PADI2: variants seen among roughly 807,000 people sequenced by gnomAD.
The protein encoded by PADI2 is protein-arginine deiminase type-2.
Under a neutral mutation model 81.1 loss-of-function variants are expected in PADI2, and 70 were observed. The observed-to-expected ratio is 0.86, with a 90% CI of 0.71 to 1.05. The LOEUF is 1.05. PADI2 is among the 50% of genes least tolerant of loss of function. PADI2 has a pLI of 0.00. For synonymous variants in PADI2, 338 were observed against 358.0 expected, an observed-to-expected ratio of 0.94 and a Z score of 0.63; for missense variants, 853 against 889.9, an observed-to-expected ratio of 0.96 and a Z score of 0.53.
intron 1 of PADI2, among the ~76,000 whole-genome samples, chr1:17,111,470 G>A (rs549273760): frequency 3.3e-5 from 5 of 152,144 alleles, no homozygotes; most frequent in Admixed American, 3.3e-4. Flanking sequence ...GGTGCCATGA[G>A]GCCCCAGTCT....
intron 3 of PADI2, 64 bp downstream of exon 3, chr1:17,102,923 A>G: frequency 8.0e-7 from 1 of 1,249,968 alleles, no homozygotes; most frequent in Non-Finnish European, 1.2e-6. Context: ...AGTGCCCCAG[A>G]GAAGGACAAC....
chr1:17,080,091 C>G (rs369341503), intron 10 of PADI2, among the ~76,000 whole-genome samples: 6 of 151,908 alleles, frequency 3.9e-5, no homozygotes, highest in African/African-American at 1.5e-4. Flanking sequence ...GCGCCCAGCC[C>G]GTTTCCCCAT....
intron 12 of PADI2, 44 bp downstream of exon 12, chr1:17,075,635 T>G: frequency 6.4e-7 from 1 of 1,559,158 alleles, no homozygotes; most frequent in Non-Finnish European, 8.7e-7. Flanking sequence ...AATATATTGG[T>G]TTGCTGCTAC....
At position 17,071,438 on chromosome 1, in the gene PADI2, C is replaced by T. The variant is rs757682195; in HGVS notation, c.1603G>A (p.Glu535Lys). 22 of 1,613,946 alleles carry T rather than the reference C, an allele frequency of 1.4e-5. 1 individual carries two copies. The highest frequency in any genetic ancestry group is 1.3e-4 in the African/African-American group (10 of 74,924). Residue 535 changes from glutamate to lysine, a missense_variant, in exon 14 of 16, where the codon GAG becomes AAG. Coordinates refer to ENST00000375486, the MANE Select transcript of PADI2 (RefSeq NM_007365.3). ...RITINKILSN[E>K]SLVQENLYFQ... ...TACAGGTTCTCCTGCACAAGGCTCT[C>T]GTTGGACAGAATCTTGTTGATGGTG...
chr1:17,091,491 T>A (rs977664604), intron 6 of PADI2, among the ~76,000 whole-genome samples: 1 of 152,158 alleles, frequency 6.6e-6, no homozygotes, highest in African/African-American at 2.4e-5. Flanking sequence ...CTCTGGCCCC[T>A]GGCCGAGCTG....
chr1:17,119,167 G>T lies in PADI2; in HGVS notation c.92+113C>A. On this transcript the variant is annotated intron_variant, in intron 1 of 15. Transcript: ENST00000375486. This position sits in a 1 kb window ranked among gnomAD's most constrained non-coding sequence, Gnocchi z 4.8. ...TAGGATTTCTGGGCTCGGGGGCTCG[G>T]GATGAGGGACAACTCGGGCTGGACA... The T allele has an allele frequency of 1.4e-6, 1 of 710,326 alleles. No homozygotes were observed. 44.0% of individuals were successfully genotyped at this position (710,326 alleles called of 1,614,324 possible). A position where few individuals can be genotyped will look rare whatever the true frequency, so the allele number is the denominator to read the frequency against.
Position 17,103,520 on chromosome 1 carries a change from G to A in PADI2, c.277-461C>T, listed in dbSNP as rs189657012. 2.7e-3 allele frequency among the ~76,000 whole-genome samples: 414 copies of A among 152,292 alleles called. 1 individual carries two copies. Among genetic ancestry groups the A allele is most frequent in the Middle Eastern group, 6.8e-3 (2 of 294 alleles). ...CCACTTAGGCAAATCACCCATGGAT[G>A]TTCAGCACCCCATTTTACAGATAGA... is the stretch of plus-strand genomic sequence containing the variant. On this transcript the variant is annotated intron_variant, in intron 2 of 15. Transcript: ENST00000375486.
intron 1 of PADI2, among the ~76,000 whole-genome samples, chr1:17,106,385 T>C (rs1211373987): frequency 3.3e-5 from 5 of 151,958 alleles, no homozygotes; most frequent in Admixed American, 1.3e-4. Flanking sequence ...TATTTGGAGA[T>C]AGAGCTTTTA....
intron 2 of PADI2, among the ~76,000 whole-genome samples, chr1:17,104,283 C>A (rs1157266381): frequency 6.6e-6 from 1 of 151,658 alleles, no homozygotes; most frequent in Non-Finnish European, 1.5e-5. Flanking sequence ...GAGGGAGACT[C>A]CGTCTCAAAC....
rs1445445006 is a variant in PADI2 at position 17,071,474 on chromosome 1, T to C, written c.1567A>G (p.Ser523Gly). 3 of 1,614,028 alleles carry C rather than the reference T, an allele frequency of 1.9e-6. No homozygotes were observed. The highest frequency in any genetic ancestry group is 2.2e-5 in the East Asian group (1 of 44,876). ...IMFKGLGGMS[S>G]KRITINKILS... is the part of the protein sequence containing the mutation. The stretch of plus-strand genomic sequence containing the variant: ...ATCTTGTTGATGGTGATTCGCTTGC[T>C]GCTCATCCCACCCAAGCCTGTGGGG... The change falls in exon 14 of 16, where the codon AGC becomes GGC. Residue 523 changes from serine (S) to glycine (G), a missense_variant. Coordinates refer to ENST00000375486, the MANE Select transcript of PADI2 (RefSeq NM_007365.3).
At chr1:17,072,809 C>G (rs1389627113) in intron 13 of PADI2, among the ~76,000 whole-genome samples, 1 of 152,136 alleles carries the variant, frequency 6.6e-6, no homozygotes, top group African/African-American at 2.4e-5. Flanking sequence ...CACTGCTTGC[C>G]CCTATTTGTA....
chr1:17,079,543 G>A, intron 10 of PADI2, 128 bp from the exon 11 acceptor site: 2 of 697,796 alleles, frequency 2.9e-6, no homozygotes, highest in Non-Finnish European at 4.7e-6. Flanking sequence ...GGTTGTCCAC[G>A]GTCTTCCTAT....
intron 1 of PADI2, among the ~76,000 whole-genome samples, chr1:17,109,106 T>G (rs1931482675): frequency 6.6e-6 from 1 of 152,068 alleles, no homozygotes; most frequent in African/African-American, 2.4e-5. Flanking sequence ...TGGGGATGGC[T>G]GGGTGCGGTG....
In PADI2 at chr1:17,086,682, G is replaced by A. The variant is rs144432618; in HGVS notation, c.673C>T (p.Arg225Cys). 161 of 1,613,832 alleles carry A rather than the reference G, an allele frequency of 1.0e-4. No homozygotes were observed. Among genetic ancestry groups the A allele is most frequent in the Middle Eastern group, 1.6e-4 (1 of 6,080 alleles). The change falls in exon 7 of 16, where the codon CGC becomes TGC. Residue 225 changes from arginine (R) to cysteine (C), a missense_variant. Physicochemically the swap from Arg to Cys is radical, Grantham distance 180. Coordinates refer to ENST00000375486, the MANE Select transcript of PADI2 (RefSeq NM_007365.3). ...CGCCGGCCCAGGATGTGGATATAGC[G>A]TTGGCCGAAGAACGGGTCTGGAGGG... ...FYVENPFFGQRYIHILGRRKL... is the reference protein window; with the variant it reads ...FYVENPFFGQCYIHILGRRKL...
intron 1 of PADI2, among the ~76,000 whole-genome samples, chr1:17,111,572 T>C (rs755888433): frequency 6.6e-6 from 1 of 150,972 alleles, no homozygotes; most frequent in Non-Finnish European, 1.5e-5. Context: ...AATTACACCA[T>C]TGCAGTGCTG....
chr1:17,088,130 G>T (rs1310016152), intron 6 of PADI2, among the ~76,000 whole-genome samples: 1 of 152,054 alleles, frequency 6.6e-6, no homozygotes, highest in Non-Finnish European at 1.5e-5. Flanking sequence ...GTTACTTGGG[G>T]TAGGGTGGGG....
chr1:17,070,740 C>T (rs537557620), intron 14 of PADI2, among the ~76,000 whole-genome samples: 2 of 152,290 alleles, frequency 1.3e-5, no homozygotes, highest in Admixed American at 6.5e-5. Context: ...CGGTTCACTG[C>T]AACCTCCACT....
At chr1:17,091,716 G>A (rs1011636809) in intron 6 of PADI2, among the ~76,000 whole-genome samples, 2 of 152,090 alleles carry the variant, frequency 1.3e-5, no homozygotes, top group African/African-American at 2.4e-5. Context: ...CCATCTAGTG[G>A]TGCCTCTGCC....
chr1:17,112,858 C>T (rs953944097), intron 1 of PADI2, among the ~76,000 whole-genome samples: 5 of 152,226 alleles, frequency 3.3e-5, no homozygotes, highest in African/African-American at 1.2e-4. Flanking sequence ...AATGTCTGAA[C>T]GATGTATTCA....
Sources: allele counts gnomAD v4.1 joint callset (sites outside exome capture counted in the v4.1 genomes callset), GRCh38; gene constraint gnomAD v4.1.1; non-coding constraint Gnocchi (gnomAD v3.1); transcripts MANE v1.5; gene names NCBI Gene and HGNC (gene_info 2026-07-23, HGNC 2026-07-21).